Variants in EPHA4 observed in about 807,000 individuals in gnomAD.
EPHA4 encodes the protein ephrin type-A receptor 4.
A neutral mutation model predicts 108.3 loss-of-function variants in EPHA4; 19 were observed. That is an observed-to-expected ratio of 0.18 (90% CI 0.12 to 0.26). EPHA4 has a LOEUF of 0.26. Ranked by LOEUF, EPHA4 falls within the 10% of genes least tolerant of loss-of-function variation. The pLI, the probability that EPHA4 is intolerant of heterozygous loss-of-function variation, is 1.00. For missense variants in EPHA4, 917 were observed against 1,254.0 expected (o/e 0.73, Z 4.06); for synonymous variants, 449 against 455.5 (o/e 0.99, Z 0.18).
intron 15 of EPHA4, among the ~76,000 whole-genome samples, chr2:221,428,136 A>C (rs1372072100): frequency 2.0e-5 from 3 of 152,250 alleles, no homozygotes; most frequent in Admixed American, 2.0e-4. Flanking sequence ...ATTAGACAAA[A>C]GCCAATAGTT....
chr2:221,514,907 G>T (rs753131902), intron 3 of EPHA4, among the ~76,000 whole-genome samples: 4 of 152,054 alleles, frequency 2.6e-5, no homozygotes, highest in Non-Finnish European at 5.9e-5. Flanking sequence ...GAAAGCAAGA[G>T]AAACAGATCA....
At chr2:221,462,060 C>T (rs1291708241) in intron 5 of EPHA4, among the ~76,000 whole-genome samples, 2 of 150,354 alleles carry the variant, frequency 1.3e-5, no homozygotes, top group Non-Finnish European at 3.0e-5. Context: ...TATCTACCCA[C>T]GGACTTCTTT....
intron 4 of EPHA4, among the ~76,000 whole-genome samples, chr2:221,483,899 C>A (rs981662428): frequency 1.3e-5 from 2 of 152,098 alleles, no homozygotes. Flanking sequence ...TGGTCTGAAC[C>A]AGTTCCAAAG....
intron 3 of EPHA4, among the ~76,000 whole-genome samples, chr2:221,509,619 A>G (rs1264281535): frequency 6.6e-6 from 1 of 152,222 alleles, no homozygotes; most frequent in African/African-American, 2.4e-5. Context: ...AAATTGAAAT[A>G]TTTAATTTTG....
At chr2:221,517,560 G>T (rs1693026389) in intron 3 of EPHA4, among the ~76,000 whole-genome samples, 1 of 152,162 alleles carries the variant, frequency 6.6e-6, no homozygotes, top group African/African-American at 2.4e-5. Context: ...CAGGGTGGAG[G>T]AGGGCGAGCC....
At chr2:221,552,531 G>A (rs113331268) in intron 3 of EPHA4, among the ~76,000 whole-genome samples, 6,447 of 152,272 alleles carry the variant, frequency 0.042, 406 homozygotes, top group African/African-American at 0.15. Context: ...AAGAGTGCGA[G>A]GAGGGTAAAG....
At chr2:221,458,436 T>A (rs1691030146) in intron 5 of EPHA4, among the ~76,000 whole-genome samples, 1 of 152,204 alleles carries the variant, frequency 6.6e-6, no homozygotes, top group African/African-American at 2.4e-5. Context: ...AGCAAGAGAA[T>A]GTACAAGTCT....
In EPHA4 at chr2:221,543,596, T is replaced by TAAGA. The variant is rs575215218; in HGVS notation, c.823+20131_823+20134dup. Among the ~76,000 whole-genome samples the TAAGA allele has an allele frequency of 2.9e-3, 444 of 152,324 alleles. 4 individuals carry two copies. The highest frequency in any genetic ancestry group is 0.01 in the African/African-American group (432 of 41,582). ...TCTAAGCCATATTTAGTTACCTTAC[T>TAAGA]AAGAAAGGCTTTCTATGCTGTACTT... On this transcript the variant is annotated intron_variant, in intron 3 of 17. Coordinates refer to ENST00000281821, the MANE Select transcript of EPHA4 (RefSeq NM_004438.5).
At chr2:221,443,453 G>A in intron 10 of EPHA4, 40 bp downstream of exon 10, 1 of 1,451,710 alleles carries the variant, frequency 6.9e-7, no homozygotes, top group Non-Finnish European at 9.7e-7. Context: ...CATCCACCAA[G>A]AAAACAGACT....
At chr2:221,523,133 C>A (rs1220497552) in intron 3 of EPHA4, among the ~76,000 whole-genome samples, 1 of 151,998 alleles carries the variant, frequency 6.6e-6, no homozygotes, top group Non-Finnish European at 1.5e-5. Context: ...ATACCTTCCT[C>A]ACTTACAAAA....
chr2:221,569,589 G>C (rs1188629553), intron 1 of EPHA4: 1 of 152,294 alleles, frequency 6.6e-6, no homozygotes, highest in African/African-American at 2.4e-5. Context: ...ACCCCGCTCA[G>C]GCTAGAAGAG....
At chr2:221,553,957 C>T (rs569121226) in intron 3 of EPHA4, among the ~76,000 whole-genome samples, 32 of 152,152 alleles carry the variant, frequency 2.1e-4, no homozygotes, top group African/African-American at 6.3e-4. Flanking sequence ...TATCTGTAAA[C>T]GGAAGGGAAA....
At chr2:221,546,274 AT>A (rs1285240515) in intron 3 of EPHA4, among the ~76,000 whole-genome samples, 3 of 152,180 alleles carry the variant, frequency 2.0e-5, no homozygotes, top group East Asian at 1.9e-4. Flanking sequence ...GTTTGGGTAT[AT>A]GAGACTTCAC....
At chr2:221,443,132 G>A in intron 10 of EPHA4, 118 bp from the exon 11 acceptor site, 1 of 1,051,478 alleles carries the variant, frequency 9.5e-7, no homozygotes, top group Non-Finnish European at 1.4e-6. Context: ...GCTTTGCATA[G>A]ATTATTTCAC....
At chr2:221,437,249 C>T (rs1690268551) in intron 11 of EPHA4, 127 bp from the exon 12 acceptor site, 2 of 645,564 alleles carry the variant, frequency 3.1e-6, no homozygotes, top group African/African-American at 1.8e-5. Flanking sequence ...TTAAAACAAG[C>T]CAAGCTTATG....
chr2:221,524,527 G>A (rs1365988038), intron 3 of EPHA4, among the ~76,000 whole-genome samples: 1 of 152,184 alleles, frequency 6.6e-6, no homozygotes, highest in Admixed American at 6.5e-5. Flanking sequence ...AGTGTTACAT[G>A]GGGATGAATG....
At chr2:221,490,788 A>G (rs1049080831) in intron 4 of EPHA4, among the ~76,000 whole-genome samples, 1 of 152,196 alleles carries the variant, frequency 6.6e-6, no homozygotes, top group Non-Finnish European at 1.5e-5. Context: ...AATAAAGCCC[A>G]TGCTTCCCCT....
intron 4 of EPHA4, among the ~76,000 whole-genome samples, chr2:221,496,105 A>G (rs968269965): frequency 1.2e-4 from 19 of 152,152 alleles, no homozygotes; most frequent in African/African-American, 4.3e-4. Flanking sequence ...ACATCTTGTC[A>G]AGAGAATCCG....
intron 9 of EPHA4, among the ~76,000 whole-genome samples, chr2:221,443,935 C>T (rs1690510118): frequency 6.6e-6 from 1 of 152,204 alleles, no homozygotes; most frequent in Admixed American, 6.5e-5. Context: ...GCTCCCTTGC[C>T]TTTGCATGAA....
Sources: allele counts gnomAD v4.1 joint callset (sites outside exome capture counted in the v4.1 genomes callset), GRCh38; gene constraint gnomAD v4.1.1; transcripts MANE v1.5; gene names NCBI Gene and HGNC (gene_info 2026-07-23, HGNC 2026-07-21).